Variants in NATD1 observed in about 807,000 individuals in gnomAD.
NATD1 encodes the protein protein NATD1.
NATD1 carries 9 observed loss-of-function variants against 12.0 expected under a neutral mutation model. The observed-to-expected ratio is 0.75, with a 90% CI of 0.45 to 1.30. NATD1 has a LOEUF of 1.30. Ranked by LOEUF, NATD1 falls within the 50% of genes most tolerant of loss-of-function variation. NATD1 has a pLI of 0.00. For synonymous variants in NATD1, 71 were observed against 65.9 expected (o/e 1.08, Z -0.37); for missense variants, 148 against 148.5 (o/e 1.00, Z 0.02).
intron 1 of NATD1, among the ~76,000 whole-genome samples, chr17:21,250,956 A>G (rs1975369614): frequency 6.6e-6 from 1 of 152,182 alleles, no homozygotes; most frequent in Admixed American, 6.5e-5. Flanking sequence ...ATGACACCAC[A>G]GCCTGTTGTC....
chr17:21,251,498 C>T (rs576129077), intron 1 of NATD1, among the ~76,000 whole-genome samples: 1 of 152,268 alleles, frequency 6.6e-6, no homozygotes, highest in South Asian at 2.1e-4. Flanking sequence ...AGTAGCAGGA[C>T]TTGCCTCTGC....
At chr17:21,246,352 A>C (rs1975324748) in intron 1 of NATD1, among the ~76,000 whole-genome samples, 1 of 152,120 alleles carries the variant, frequency 6.6e-6, no homozygotes, top group South Asian at 2.1e-4. Context: ...CATCTCTACT[A>C]AAGATACAAA....
At chr17:21,251,316 C>G (rs1002460881) in intron 1 of NATD1, among the ~76,000 whole-genome samples, 2 of 143,544 alleles carry the variant, frequency 1.4e-5, no homozygotes, top group Non-Finnish European at 3.1e-5. Flanking sequence ...AAAAAACAAA[C>G]GTATCCCCTC....
intron 1 of NATD1, among the ~76,000 whole-genome samples, chr17:21,252,460 T>C (rs1345734267): frequency 2.0e-5 from 3 of 152,282 alleles, no homozygotes; most frequent in South Asian, 2.1e-4. Flanking sequence ...TCCTTACAAC[T>C]AGCCAATGGG....
At position 21,244,945 on chromosome 17, in the gene NATD1, T is replaced by TTATCCATCCACC. The variant is rs1975312718; in HGVS notation, c.107-733_107-722dup. On this transcript the variant is annotated intron_variant, in intron 1 of 2. Transcript: ENST00000611551. The surrounding 1 kb of genome is among the most constrained non-coding windows in gnomAD (Gnocchi z 5.2). ...CCCATCCATCAACCCACCCATCCAC[T>TTATCCATCCACC]TATCCATCCACCAAATGTTTCCTGA... is the stretch of plus-strand genomic sequence containing the variant. 1.3e-5 allele frequency among the ~76,000 whole-genome samples: 2 copies of TTATCCATCCACC among 152,166 alleles called. No individual in the cohort carries two copies. The highest frequency in any genetic ancestry group is 4.8e-5 in the African/African-American group (2 of 41,434).
chr17:21,241,276 A>C lies in NATD1; in HGVS notation c.*2037T>G, dbSNP rs1255226359. ...AGGGACCCTCCTGCGGATGGGCTGG[A>C]GGCCACAGGGACATGGCCCCAGCTC... On this transcript the variant is annotated 3_prime_UTR_variant, in exon 3 of 3. Transcript: ENST00000611551. 1 of 152,218 alleles carries C rather than the reference A, an allele frequency of 6.6e-6. No individual in the cohort carries two copies. The highest frequency in any genetic ancestry group is 1.5e-5 in the Non-Finnish European group (1 of 68,096). 9.4% of individuals were successfully genotyped at this position (152,218 alleles called of 1,614,324 possible). A position where few individuals can be genotyped will look rare whatever the true frequency, so the allele number is the denominator to read the frequency against.
At position 21,241,273 on chromosome 17, in the gene NATD1, T is replaced by C. The variant is rs1020688677; in HGVS notation, c.*2040A>G. ...GCAAGGGACCCTCCTGCGGATGGGC[T>C]GGAGGCCACAGGGACATGGCCCCAG... On this transcript the variant is annotated 3_prime_UTR_variant, in exon 3 of 3. Transcript: ENST00000611551. 1.3e-5 allele frequency: 2 copies of C among 152,302 alleles called. No homozygotes were observed. The highest frequency in any genetic ancestry group is 2.9e-5 in the Non-Finnish European group (2 of 68,118). The allele number at this position is 152,302 out of a possible 1,614,324, so 9.4% of individuals were successfully genotyped here.
At position 21,251,304 on chromosome 17, in the gene NATD1, A is replaced by C. The variant is rs140101454; in HGVS notation, c.106+1855T>G. On this transcript the variant is annotated intron_variant, in intron 1 of 2. Transcript: ENST00000611551. ...AAGAGAAAGAAAAAGAAAAAAAAAA[A>C]AAAAAAACAAACGTATCCCCTCTTC... Among the ~76,000 whole-genome samples, 961 of 151,842 alleles carry C rather than the reference A, an allele frequency of 6.3e-3. 14 individuals are homozygous for C. Among genetic ancestry groups the C allele is most frequent in the African/African-American group, 0.02 (843 of 41,382 alleles).
Position 21,239,823 on chromosome 17 carries a change from C to T in NATD1, c.*3490G>A, listed in dbSNP as rs1457441233. 6.6e-6 allele frequency: 1 copy of T among 152,254 alleles called. No homozygotes were observed. Among genetic ancestry groups the T allele is most frequent in the Non-Finnish European group, 1.5e-5 (1 of 68,074 alleles). The allele number at this position is 152,254 out of a possible 1,614,324, so 9.4% of individuals were successfully genotyped here. ...GATTGCAACAGGCCTGGCAATTTAT[C>T]TTTCATTCTGAGTAGCCATGTAACC... On this transcript the variant is annotated 3_prime_UTR_variant, in exon 3 of 3. Coordinates refer to ENST00000611551, the MANE Select transcript of NATD1 (RefSeq NM_152914.3).
chr17:21,252,802 C>T (rs946868555), intron 1 of NATD1, among the ~76,000 whole-genome samples: 3 of 151,558 alleles, frequency 2.0e-5, no homozygotes, highest in African/African-American at 7.3e-5. Flanking sequence ...TGAGCAGGTG[C>T]GGGTCCCCTG....
Position 21,244,090 on chromosome 17 carries a change from CACCT to C in NATD1, c.225+12_225+15del. On this transcript the variant is annotated intron_variant, in intron 2 of 2. Coordinates refer to ENST00000611551, the MANE Select transcript of NATD1 (RefSeq NM_152914.3). The surrounding 1 kb of genome is among the most constrained non-coding windows in gnomAD (Gnocchi z 5.2). ...TGTCCCCGTCCCCGCTTGGCCCTGCCACCTGCCTGCCCTACCTTGGCAAGGTGCT... is the reference window on the plus strand; with the variant it reads ...TGTCCCCGTCCCCGCTTGGCCCTGCCGCCTGCCCTACCTTGGCAAGGTGCT... 6.2e-7 allele frequency: 1 copy of C among 1,602,766 alleles called. No homozygotes were observed. The highest frequency in any genetic ancestry group is 8.5e-7 in the Non-Finnish European group (1 of 1,173,670).
At chr17:21,247,167 C>T (rs1975332649) in intron 1 of NATD1, among the ~76,000 whole-genome samples, 1 of 152,226 alleles carries the variant, frequency 6.6e-6, no homozygotes, top group South Asian at 2.1e-4. Flanking sequence ...ACTTCTCTGC[C>T]TCCCATTGAC....
At position 21,244,021 on chromosome 17, in the gene NATD1, C is replaced by A. The variant is rs1975303151; in HGVS notation, c.225+85G>T. ...AGGGCCAAGAAGCAGGCTGAAGTGG[C>A]CACCAGGGCCACCGTCTCCTCGGAG... On this transcript the variant is annotated intron_variant, in intron 2 of 2. Coordinates refer to ENST00000611551, the MANE Select transcript of NATD1 (RefSeq NM_152914.3). This position sits in a 1 kb window ranked among gnomAD's most constrained non-coding sequence, Gnocchi z 5.2. The A allele has an allele frequency of 7.9e-7, 1 of 1,258,868 alleles. No individual in the cohort carries two copies. The highest frequency in any genetic ancestry group is 2.1e-5 in the Admixed American group (1 of 46,574). 78.0% of individuals were successfully genotyped at this position (1,258,868 alleles called of 1,614,324 possible).
rs1031716270 is a variant in NATD1 at position 21,238,910 on chromosome 17, G to GT, written c.*4402dup. 14 of 152,102 alleles carry GT rather than the reference G, an allele frequency of 9.2e-5. No individual in the cohort carries two copies. The highest frequency in any genetic ancestry group is 2.7e-4 in the African/African-American group (11 of 41,410). 9.4% of individuals were successfully genotyped at this position (152,102 alleles called of 1,614,324 possible). On this transcript the variant is annotated 3_prime_UTR_variant, in exon 3 of 3. Coordinates refer to ENST00000611551, the MANE Select transcript of NATD1 (RefSeq NM_152914.3). ...AGAATCTCTTTAATATCTTGTAGCC[G>GT]TAAGACTGATACAACTGAAAACATA... is the stretch of plus-strand genomic sequence containing the variant.
At chr17:21,245,563 A>G (rs1270024846) in intron 1 of NATD1, among the ~76,000 whole-genome samples, 2 of 152,132 alleles carry the variant, frequency 1.3e-5, no homozygotes, top group East Asian at 1.9e-4. Context: ...AAGCCTCAGG[A>G]GAGTGGCTAC....
intron 1 of NATD1, among the ~76,000 whole-genome samples, chr17:21,247,248 G>A (rs1975333580): frequency 1.3e-5 from 2 of 152,236 alleles, no homozygotes; most frequent in African/African-American, 2.4e-5. Context: ...CCCAAGAAAT[G>A]TTTGTCCAAC....
chr17:21,252,554 T>C (rs911609766), intron 1 of NATD1, among the ~76,000 whole-genome samples: 1 of 152,112 alleles, frequency 6.6e-6, no homozygotes, highest in African/African-American at 2.4e-5. Context: ...CCAGAGCCAC[T>C]GAAGTCTTGA....
rs541850302 is a variant in NATD1, at chr17:21,244,411, G to A, written c.107-187C>T. Among the ~76,000 whole-genome samples, 126 of 152,266 alleles carry A rather than the reference G, an allele frequency of 8.3e-4. No individual in the cohort carries two copies. The highest frequency in any genetic ancestry group is 1.3e-3 in the Non-Finnish European group (90 of 68,018). Reference sequence around the variant, plus strand: ...ACAATAAAATGTCCTTCATAGGGTGGTTTGGAGGATTAAATGAGGTAACCT... The same window carrying A: ...ACAATAAAATGTCCTTCATAGGGTGATTTGGAGGATTAAATGAGGTAACCT... On this transcript the variant is annotated intron_variant, in intron 1 of 2. Coordinates refer to ENST00000611551, the MANE Select transcript of NATD1 (RefSeq NM_152914.3). This position sits in a 1 kb window ranked among gnomAD's most constrained non-coding sequence, Gnocchi z 5.2.
chr17:21,252,502 G>A (rs145625725), intron 1 of NATD1, among the ~76,000 whole-genome samples: 1 of 152,158 alleles, frequency 6.6e-6, no homozygotes, highest in Non-Finnish European at 1.5e-5. Context: ...ATTGCAGAGA[G>A]GGAGAAACTA....
Sources: gnomAD v4.1 joint callset for allele counts (sites outside exome capture counted in the v4.1 genomes callset) on GRCh38, gnomAD v4.1.1 for gene constraint, Gnocchi (gnomAD v3.1) non-coding constraint, MANE v1.5 for transcripts, NCBI Gene and HGNC (gene_info 2026-07-23, HGNC 2026-07-21) for gene names.